Variants in ABCC1 observed in about 807,000 individuals in gnomAD.
ABCC1 encodes multidrug resistance-associated protein 1.
Under a neutral mutation model 172.9 loss-of-function variants are expected in ABCC1, and 83 were observed. The ratio of observed to expected loss-of-function variants is 0.48; its 90% confidence interval spans 0.40 to 0.58. The LOEUF (loss-of-function observed/expected upper bound fraction) is 0.58. ABCC1 is among the 20% of genes least tolerant of loss of function. The pLI, the probability that ABCC1 is intolerant of heterozygous loss-of-function variation, is 0.00. For missense variants in ABCC1, 1,817 were observed against 2,002.7 expected (o/e 0.91, Z 1.77); for synonymous variants, 937 against 825.2 (o/e 1.14, Z -2.32).
chr16:15,987,439 A>C (rs1023466178), intron 1 of ABCC1, among the ~76,000 whole-genome samples: 1 of 152,152 alleles, frequency 6.6e-6, no homozygotes, highest in Non-Finnish European at 1.5e-5. Flanking sequence ...ATTCTGTTCA[A>C]ACAGGGCTGC....
intron 2 of ABCC1, among the ~76,000 whole-genome samples, chr16:16,008,264 T>G (rs2047629531): frequency 6.6e-6 from 1 of 152,112 alleles, no homozygotes; most frequent in African/African-American, 2.4e-5. Context: ...AATGATAGGC[T>G]TGTTCTCAAG....
At chr16:16,038,630 G>A (rs868550364) in intron 7 of ABCC1, among the ~76,000 whole-genome samples, 2 of 152,130 alleles carry the variant, frequency 1.3e-5, no homozygotes, top group South Asian at 4.1e-4. Flanking sequence ...CATCCTCACA[G>A]ACACACCCAG....
chr16:16,087,046 T>C (rs1273449270), intron 18 of ABCC1, 55 bp downstream of exon 18: 2 of 1,592,618 alleles, frequency 1.3e-6, no homozygotes, highest in Non-Finnish European at 1.7e-6. Flanking sequence ...TTTGGTTAAG[T>C]CAGAACGTGT....
chr16:16,022,901 C>T (rs1039565452), intron 5 of ABCC1, among the ~76,000 whole-genome samples: 12 of 141,712 alleles, frequency 8.5e-5, no homozygotes, highest in South Asian at 6.7e-4. Context: ...GCCAGCCAAC[C>T]GGCTACTTTT....
intron 1 of ABCC1, among the ~76,000 whole-genome samples, chr16:15,990,389 A>C (rs1181864439): frequency 6.6e-6 from 1 of 152,164 alleles, no homozygotes; most frequent in Non-Finnish European, 1.5e-5. Context: ...TGTGAGCTAT[A>C]GACACTATTC....
chr16:16,120,699 G>A (rs1179600225), intron 23 of ABCC1, among the ~76,000 whole-genome samples: 1 of 152,148 alleles, frequency 6.6e-6, no homozygotes, highest in Non-Finnish European at 1.5e-5. Flanking sequence ...CATGGTGGGT[G>A]GAGGCAGGCG....
intron 1 of ABCC1, among the ~76,000 whole-genome samples, chr16:15,953,885 C>T (rs2045930634): frequency 6.6e-6 from 1 of 152,194 alleles, no homozygotes; most frequent in South Asian, 2.1e-4. Flanking sequence ...TGGTTTAATT[C>T]TTCCCCTTGG....
In ABCC1 at chr16:16,056,011, T is replaced by A. The variant is rs2049635561; in HGVS notation, c.1474-81T>A. 16 of 1,246,926 alleles carry A rather than the reference T, an allele frequency of 1.3e-5. No individual in the cohort carries two copies. The South Asian group carries it at 2.0e-4, about 16-fold the overall frequency. The allele number at this position is 1,246,926 out of a possible 1,614,324, so 77.2% of individuals were successfully genotyped here. ...ATGTCAAAGTATATAATAAAGTTTATGAGAAAAATAGCTGGTGATGTTGAG... is the reference window on the plus strand; with the variant it reads ...ATGTCAAAGTATATAATAAAGTTTAAGAGAAAAATAGCTGGTGATGTTGAG... On this transcript the variant is annotated intron_variant, in intron 11 of 30. Transcript: ENST00000399410.
In ABCC1 at chr16:16,102,605, C is replaced by T. The variant is rs200314829; in HGVS notation, c.2645-22C>T. On this transcript the variant is annotated intron_variant, in intron 19 of 30. Coordinates refer to ENST00000399410, the MANE Select transcript of ABCC1 (RefSeq NM_004996.4). ...TCTGCCTCATATAACCCCACTTGCC[C>T]CCTTTGTCTCTCTTCTGCCAGGGGT... 1.3e-3 allele frequency: 1,991 copies of T among 1,560,288 alleles called. 5 individuals are homozygous for T. The highest frequency in any genetic ancestry group is 1.6e-3 in the Non-Finnish European group (1,802 of 1,151,440).
intron 1 of ABCC1, among the ~76,000 whole-genome samples, chr16:15,951,367 C>T (rs2151468706): frequency 6.6e-6 from 1 of 152,282 alleles, no homozygotes; most frequent in African/African-American, 2.4e-5. Context: ...GAAACTCATT[C>T]ACGAAGTCCA....
Position 16,036,923 on chromosome 16 carries a change from G to A in ABCC1, c.809+320G>A, listed in dbSNP as rs555011075. On this transcript the variant is annotated intron_variant, in intron 7 of 30. Coordinates refer to ENST00000399410, the MANE Select transcript of ABCC1 (RefSeq NM_004996.4). ...GTTTGAGACCAGCCTGGCCAACATG[G>A]TGAAACCCTGTCTCTACTAAAAATA... Among the ~76,000 whole-genome samples, 139 of 152,260 alleles carry A rather than the reference G, an allele frequency of 9.1e-4. 1 individual carries two copies. Among genetic ancestry groups the A allele is most frequent in the African/African-American group, 3.3e-3 (137 of 41,540 alleles).
chr16:16,129,147 T>C (rs750704444), intron 26 of ABCC1, among the ~76,000 whole-genome samples: 3 of 152,168 alleles, frequency 2.0e-5, no homozygotes, highest in East Asian at 3.9e-4. Flanking sequence ...CCCAACACTT[T>C]TGTTTGCTTG....
intron 7 of ABCC1, among the ~76,000 whole-genome samples, chr16:16,040,088 ATG>A (rs2048918005): frequency 6.6e-6 from 1 of 151,170 alleles, no homozygotes; most frequent in South Asian, 2.1e-4. Context: ...GTATGTATGT[ATG>A]TATGTATGTA....
At position 16,109,973 on chromosome 16, in the gene ABCC1, C is replaced by T. The variant is rs562150401; in HGVS notation, c.2872-1402C>T. On this transcript the variant is annotated intron_variant, in intron 21 of 30. Coordinates refer to ENST00000399410, the MANE Select transcript of ABCC1 (RefSeq NM_004996.4). ...TTCCAGCCTCTTGTTCCTTGCTGCC[C>T]CATGATCTCCTGGCTCCAGCCACCA... Among the ~76,000 whole-genome samples, 4 of 152,310 alleles carry T rather than the reference C, an allele frequency of 2.6e-5. No homozygotes were observed. In the South Asian group the frequency reaches 8.3e-4, roughly 32 times the overall value.
At chr16:16,105,169 T>C (rs960290577) in intron 20 of ABCC1, among the ~76,000 whole-genome samples, 3 of 152,234 alleles carry the variant, frequency 2.0e-5, no homozygotes, top group Admixed American at 6.5e-5. Flanking sequence ...CTGCGAGGGC[T>C]GCCAGCACGC....
chr16:16,106,364 T>G (rs2052102943), intron 20 of ABCC1, among the ~76,000 whole-genome samples: 1 of 149,616 alleles, frequency 6.7e-6, no homozygotes, highest in African/African-American at 2.5e-5. Context: ...GCCCTTTCTG[T>G]TATATCTTTT....
Position 16,138,455 on chromosome 16 carries a change from C to T in ABCC1, c.4384C>T (p.Leu1462=). The change falls in exon 30 of 31, where the codon CTG becomes TTG. Residue 1462 remains leucine, a synonymous_variant. Coordinates refer to ENST00000399410, the MANE Select transcript of ABCC1 (RefSeq NM_004996.4). ...GGATGAGGCCACGGCAGCCGTGGAC[C>T]TGGAAACGGACGACCTCATCCAGTC... is the stretch of plus-strand genomic sequence containing the variant. The part of the protein sequence containing the change: ...VLDEATAAVD[L]ETDDLIQSTI... The T allele has an allele frequency of 1.2e-6, 2 of 1,613,416 alleles. No individual in the cohort carries two copies. The highest frequency in any genetic ancestry group is 1.1e-5 in the South Asian group (1 of 91,052).
intron 21 of ABCC1, among the ~76,000 whole-genome samples, chr16:16,108,752 C>T (rs369346381): frequency 1.3e-4 from 19 of 151,908 alleles, no homozygotes; most frequent in African/African-American, 2.9e-4. Context: ...TGCACCCCCA[C>T]GCTTGACTAA....
At chr16:16,139,610 T>C (rs1257697093) in intron 30 of ABCC1, among the ~76,000 whole-genome samples, 2 of 10,316 alleles carry the variant, frequency 1.9e-4, no homozygotes, top group African/African-American at 5.5e-4. Flanking sequence ...AGACTCCATC[T>C]CAAAAAAAAA....
Sources: gnomAD v4.1 joint callset for allele counts (sites outside exome capture counted in the v4.1 genomes callset) on GRCh38, gnomAD v4.1.1 for gene constraint, MANE v1.5 for transcripts, NCBI Gene and HGNC (gene_info 2026-07-23, HGNC 2026-07-21) for gene names.